The following PPP2R2A variants were observed in gnomAD, a reference collection of about 807,000 sequenced individuals.
PPP2R2A encodes the protein protein phosphatase 2 regulatory subunit Balpha, also known as serine/threonine-protein phosphatase 2A 55 kDa regulatory subunit B alpha isoform.
Under a neutral mutation model 53.2 loss-of-function variants are expected in PPP2R2A, and 9 were observed. The observed-to-expected ratio is 0.17, with a 90% CI of 0.10 to 0.30. The LOEUF is 0.30. Ranked by LOEUF, PPP2R2A falls within the 10% of genes least tolerant of loss-of-function variation. PPP2R2A has a pLI of 1.00. For synonymous variants in PPP2R2A, 169 were observed against 174.2 expected (o/e 0.97, Z 0.23); for missense variants, 235 against 534.6 (o/e 0.44, Z 5.53).
At chr8:26,316,691 T>G (rs1190668268) in intron 2 of PPP2R2A, among the ~76,000 whole-genome samples, 2 of 152,236 alleles carry the variant, frequency 1.3e-5, no homozygotes, top group Non-Finnish European at 2.9e-5. Flanking sequence ...TCAAGGCAAC[T>G]GCAGATCTGG....
chr8:26,370,019 C>T lies in PPP2R2A; in HGVS notation c.1065-115C>T. 2 of 1,073,470 alleles carry T rather than the reference C, an allele frequency of 1.9e-6. No individual in the cohort carries two copies. Among genetic ancestry groups the T allele is most frequent in the Non-Finnish European group, 2.7e-6 (2 of 741,098 alleles). 66.5% of individuals were successfully genotyped at this position (1,073,470 alleles called of 1,614,324 possible). On this transcript the variant is annotated intron_variant, in intron 9 of 9. Transcript: ENST00000380737. This position sits in a 1 kb window ranked among gnomAD's most constrained non-coding sequence, Gnocchi z 6.1. The stretch of plus-strand genomic sequence containing the variant: ...GAGTTGATGTCAACAGCCCCTGTCC[C>T]TTAGTTTAAATCTGCTTTTGAAGTA...
chr8:26,303,314 G>C (rs767076817), intron 2 of PPP2R2A, among the ~76,000 whole-genome samples: 3 of 152,216 alleles, frequency 2.0e-5, no homozygotes, highest in Non-Finnish European at 4.4e-5. Flanking sequence ...ATTTTTTACG[G>C]TTTTCCCCAC....
chr8:26,304,950 TTAC>T (rs1315064521), intron 2 of PPP2R2A, among the ~76,000 whole-genome samples: 4 of 151,762 alleles, frequency 2.6e-5, no homozygotes, highest in Non-Finnish European at 4.4e-5. Flanking sequence ...AACATTAAAT[TTAC>T]CATCTTAACC....
chr8:26,355,868 C>CA (rs35574078), intron 4 of PPP2R2A, among the ~76,000 whole-genome samples: 147 of 130,406 alleles, frequency 1.1e-3, no homozygotes, highest in South Asian at 6.1e-3. Context: ...AGACTCGTCT[C>CA]AAAAAAAAAA....
intron 4 of PPP2R2A, chr8:26,358,927 T>G (rs1466332801): frequency 2.2e-6 from 1 of 456,052 alleles, no homozygotes; most frequent in Non-Finnish European, 4.4e-6. Context: ...ATTTAGTGAC[T>G]CACTTCCAAA....
At chr8:26,322,708 C>A (rs527638115) in intron 2 of PPP2R2A, among the ~76,000 whole-genome samples, 2 of 152,256 alleles carry the variant, frequency 1.3e-5, no homozygotes, top group South Asian at 4.1e-4. Context: ...CCAAAACTTA[C>A]ATATAAAAGT....
rs573567118 is a variant in PPP2R2A at position 26,353,069 on chromosome 8, AATG to A, written c.181-1396_181-1394del. ...GTATTGTGGTTTCCTTGTAGACTAT[AATG>A]ATAAATTTTGTGAGACTGGGTGAGT... On this transcript the variant is annotated intron_variant, in intron 3 of 9. Transcript: ENST00000380737. Among the ~76,000 whole-genome samples, 1,404 of 152,322 alleles carry A rather than the reference AATG, an allele frequency of 9.2e-3. 12 individuals carry two copies. Among genetic ancestry groups the A allele is most frequent in the Non-Finnish European group, 0.011 (765 of 68,026 alleles).
intron 2 of PPP2R2A, among the ~76,000 whole-genome samples, chr8:26,297,131 T>TGA (rs1244900259): frequency 6.6e-6 from 1 of 152,258 alleles, no homozygotes; most frequent in Admixed American, 6.5e-5. Flanking sequence ...TGTGTGTGTG[T>TGA]GAGACAGAGT....
intron 3 of PPP2R2A, chr8:26,350,732 A>G (rs1804457472): frequency 6.6e-6 from 1 of 152,120 alleles, no homozygotes; most frequent in South Asian, 2.1e-4. Context: ...TTTATTGGCT[A>G]TTTGGATGTT....
intron 2 of PPP2R2A, among the ~76,000 whole-genome samples, chr8:26,335,513 T>A (rs1803612334): frequency 6.6e-6 from 1 of 152,220 alleles, no homozygotes; most frequent in Non-Finnish European, 1.5e-5. Context: ...ACCATGAATC[T>A]GTCCATCTAC....
At chr8:26,315,506 T>C (rs1252469038) in intron 2 of PPP2R2A, among the ~76,000 whole-genome samples, 1 of 152,202 alleles carries the variant, frequency 6.6e-6, no homozygotes, top group Non-Finnish European at 1.5e-5. Context: ...TCCTCTCAAA[T>C]TGATACCTTC....
chr8:26,363,178 C>T (rs1805201600), intron 7 of PPP2R2A: 1 of 165,842 alleles, frequency 6.0e-6, no homozygotes, highest in Non-Finnish European at 1.2e-5. Flanking sequence ...TTTGAGCTTC[C>T]TAGGAAGATT....
intron 2 of PPP2R2A, among the ~76,000 whole-genome samples, chr8:26,325,675 A>T (rs760573503): frequency 6.6e-6 from 1 of 152,060 alleles, no homozygotes; most frequent in Non-Finnish European, 1.5e-5. Context: ...TGTACTTTGG[A>T]AATGTATCTT....
intron 1 of PPP2R2A, 162 bp downstream of exon 1, chr8:26,291,988 C>T: frequency 1.7e-6 from 2 of 1,190,902 alleles, no homozygotes; most frequent in Non-Finnish European, 1.1e-6. Flanking sequence ...GGGAGGGCTC[C>T]CGGGAGGCAA....
At chr8:26,341,860 C>G (rs1354403401) in intron 3 of PPP2R2A, among the ~76,000 whole-genome samples, 1 of 152,190 alleles carries the variant, frequency 6.6e-6, no homozygotes, top group East Asian at 1.9e-4. Flanking sequence ...GAGAACTTGG[C>G]ACATCAGACT....
intron 3 of PPP2R2A, among the ~76,000 whole-genome samples, chr8:26,352,511 A>G (rs1229004386): frequency 1.3e-5 from 2 of 152,150 alleles, no homozygotes; most frequent in Non-Finnish European, 2.9e-5. Flanking sequence ...TGTTATGATC[A>G]CTTTAATAAA....
At chr8:26,353,517 CAATA>C (rs2117377708) in intron 3 of PPP2R2A, among the ~76,000 whole-genome samples, 1 of 152,308 alleles carries the variant, frequency 6.6e-6, no homozygotes, top group South Asian at 2.1e-4. Context: ...AGTTGACTGT[CAATA>C]ATATCTCATT....
At chr8:26,340,693 A>T (rs554261137) in intron 3 of PPP2R2A, among the ~76,000 whole-genome samples, 2 of 152,228 alleles carry the variant, frequency 1.3e-5, no homozygotes, top group African/African-American at 4.8e-5. Context: ...GTCCAAGTCA[A>T]AATCAAGTGT....
intron 3 of PPP2R2A, chr8:26,350,527 A>G (rs1163922302): frequency 6.6e-6 from 1 of 152,166 alleles, no homozygotes; most frequent in Non-Finnish European, 1.5e-5. Flanking sequence ...CAGCCTCCCC[A>G]GTAGCTGAGA....
Sources: gnomAD v4.1 joint callset for allele counts (sites outside exome capture counted in the v4.1 genomes callset) on GRCh38, gnomAD v4.1.1 for gene constraint, Gnocchi (gnomAD v3.1) non-coding constraint, MANE v1.5 for transcripts, NCBI Gene and HGNC (gene_info 2026-07-23, HGNC 2026-07-21) for gene names.